The following HNF4G variants were observed in gnomAD, a reference collection of about 807,000 sequenced individuals.
HNF4G encodes hepatocyte nuclear factor 4 gamma.
Under a neutral mutation model 50.9 loss-of-function variants are expected in HNF4G, and 21 were observed. The ratio of observed to expected loss-of-function variants is 0.41; its 90% confidence interval spans 0.29 to 0.59. HNF4G has a LOEUF of 0.59. HNF4G is among the 20% of genes least tolerant of loss of function. HNF4G has a pLI of 0.26. For missense variants in HNF4G, 527 were observed against 559.4 expected (o/e 0.94, Z 0.58); for synonymous variants, 198 against 185.6 (o/e 1.07, Z -0.54).
Position 75,429,035 on chromosome 8 carries a change from T to G in HNF4G, c.-144+20873T>G, listed in dbSNP as rs564173706. 2.6e-5 allele frequency among the ~76,000 whole-genome samples: 4 copies of G among 152,268 alleles called. No homozygotes were observed. The South Asian group carries it at 8.3e-4, about 32-fold the overall frequency. ...GAAGAGTAGATTGATTTCAGAGAAA[T>G]TTTGAGGGCAAAATATAAGGGACTT... On this transcript the variant is annotated intron_variant, in intron 1 of 10. Coordinates refer to the HNF4G transcript ENST00000354370.
rs1192342305 is a variant in HNF4G, at chr8:75,565,399, G to A, written c.*1303G>A. The A allele has an allele frequency of 4.6e-5, 7 of 152,100 alleles. No homozygotes were observed. Among genetic ancestry groups the A allele is most frequent in the Admixed American group, 1.3e-4 (2 of 15,254 alleles). The allele number at this position is 152,100 out of a possible 1,614,324, so 9.4% of individuals were successfully genotyped here. Reference sequence around the variant, plus strand: ...CATTAGATAAAATAAAAGATTCACCGGATGGATTCTGATGAAAACGAAAAC... The same window carrying A: ...CATTAGATAAAATAAAAGATTCACCAGATGGATTCTGATGAAAACGAAAAC... On this transcript the variant is annotated 3_prime_UTR_variant, in exon 10 of 10. Coordinates refer to ENST00000396423, the MANE Select transcript of HNF4G (RefSeq NM_004133.5).
intron 5 of HNF4G, among the ~76,000 whole-genome samples, chr8:75,554,413 A>G (rs763850518): frequency 6.6e-6 from 1 of 152,216 alleles, no homozygotes; most frequent in Non-Finnish European, 1.5e-5. Context: ...TAATATTAAC[A>G]GTATAACATT....
chr8:75,442,023 A>C lies in HNF4G; in HGVS notation c.-144+33861A>C, dbSNP rs1398926366. 2.6e-5 allele frequency among the ~76,000 whole-genome samples: 4 copies of C among 152,232 alleles called. 1 individual carries two copies. The highest frequency in any genetic ancestry group is 2.0e-4 in the Admixed American group (3 of 15,274). The stretch of plus-strand genomic sequence containing the variant: ...TCCATTAACATAGATGAATCTTATA[A>C]ACACAATGTTCGGGAAAAAAATCAA... On this transcript the variant is annotated intron_variant, in intron 1 of 10. Coordinates refer to the HNF4G transcript ENST00000354370.
intron 2 of HNF4G, among the ~76,000 whole-genome samples, chr8:75,497,027 T>C (rs938778622): frequency 1.3e-5 from 2 of 151,908 alleles, no homozygotes; most frequent in Non-Finnish European, 2.9e-5. Flanking sequence ...AAAAACCTAG[T>C]TGAGTAGGGG....
chr8:75,539,474 T>C (rs189860473), upstream of HNF4G, among the ~76,000 whole-genome samples: 1 of 152,322 alleles, frequency 6.6e-6, no homozygotes, highest in East Asian at 1.9e-4. Context: ...GTAAAGTGTT[T>C]ATGTGAAATG....
At chr8:75,547,553 G>T in intron 2 of HNF4G, 34 bp from the exon 3 acceptor site, 5 of 1,394,358 alleles carry the variant, frequency 3.6e-6, no homozygotes, top group Non-Finnish European at 5.0e-6. Flanking sequence ...GTAAATTATA[G>T]TTTTCTGCAA....
intron 2 of HNF4G, among the ~76,000 whole-genome samples, chr8:75,508,511 T>TA (rs1230117369): frequency 6.6e-6 from 1 of 152,294 alleles, no homozygotes; most frequent in East Asian, 1.9e-4. Context: ...AAGAACTTTC[T>TA]AGGTTTAAAA....
intron 2 of HNF4G, among the ~76,000 whole-genome samples, chr8:75,500,001 C>G (rs1021302231): frequency 6.6e-6 from 1 of 151,972 alleles, no homozygotes; most frequent in South Asian, 2.1e-4. Context: ...ACTAAAAGCA[C>G]AAACTACAAA....
chr8:75,486,288 A>C (rs1042810425), intron 1 of HNF4G, among the ~76,000 whole-genome samples: 3 of 152,216 alleles, frequency 2.0e-5, no homozygotes, highest in African/African-American at 7.2e-5. Flanking sequence ...AGTTTTCTGC[A>C]TGTCTTAAAG....
intron 2 of HNF4G, among the ~76,000 whole-genome samples, chr8:75,527,306 T>G (rs995105139): frequency 6.6e-6 from 1 of 152,214 alleles, no homozygotes; most frequent in African/African-American, 2.4e-5. Context: ...GAGTTTAATG[T>G]TAATCAACAA....
At chr8:75,483,948 C>T (rs987172729) in intron 1 of HNF4G, among the ~76,000 whole-genome samples, 13 of 152,104 alleles carry the variant, frequency 8.5e-5, no homozygotes, top group African/African-American at 3.1e-4. Flanking sequence ...GACACTTTCA[C>T]ATAAAATACT....
intron 5 of HNF4G, among the ~76,000 whole-genome samples, chr8:75,553,516 AG>A: frequency 6.6e-6 from 1 of 152,216 alleles, no homozygotes; most frequent in African/African-American, 2.4e-5. Flanking sequence ...TGTGAGACAA[AG>A]TATTAGAAGA....
chr8:75,468,104 A>G (rs552122578), intron 1 of HNF4G, among the ~76,000 whole-genome samples: 1 of 152,348 alleles, frequency 6.6e-6, no homozygotes, highest in East Asian at 1.9e-4. Flanking sequence ...TGATAGTTAA[A>G]AAGAAAACCA....
intron 2 of HNF4G, among the ~76,000 whole-genome samples, chr8:75,521,112 T>C (rs561622306): frequency 2.0e-5 from 3 of 152,238 alleles, no homozygotes; most frequent in African/African-American, 7.2e-5. Flanking sequence ...TAATGGAAAA[T>C]AACAAAAGAA....
intron 9 of HNF4G, among the ~76,000 whole-genome samples, chr8:75,562,706 T>A (rs1020100203): frequency 3.3e-5 from 5 of 152,198 alleles, no homozygotes; most frequent in Admixed American, 3.3e-4. Context: ...AAAAATCACA[T>A]TGTTACTTTC....
intron 1 of HNF4G, among the ~76,000 whole-genome samples, chr8:75,458,369 C>CTTTTTTTT (rs61411885): frequency 2.6e-5 from 3 of 117,108 alleles, no homozygotes; most frequent in East Asian, 5.2e-4. Context: ...AATGGTCTAA[C>CTTTTTTTT]TTTTTTTTTT....
intron 3 of HNF4G, 67 bp downstream of exon 3, chr8:75,547,748 A>T: frequency 1.0e-6 from 1 of 954,930 alleles, no homozygotes; most frequent in South Asian, 1.3e-5. Flanking sequence ...ACACATTCTC[A>T]TTGATTAGTA....
chr8:75,531,306 G>T (rs910935039), intron 2 of HNF4G, among the ~76,000 whole-genome samples: 2 of 151,926 alleles, frequency 1.3e-5, no homozygotes, highest in African/African-American at 2.4e-5. Context: ...GAAGGATTAT[G>T]AAAAAATAAA....
At chr8:75,455,877 A>G (rs949330583) in intron 1 of HNF4G, among the ~76,000 whole-genome samples, 1 of 152,110 alleles carries the variant, frequency 6.6e-6, no homozygotes, top group African/African-American at 2.4e-5. Flanking sequence ...ATTTGATGTC[A>G]TCTCTGAATC....
Sources: gnomAD v4.1 joint callset for allele counts (sites outside exome capture counted in the v4.1 genomes callset) on GRCh38, gnomAD v4.1.1 for gene constraint, MANE v1.5 for transcripts, NCBI Gene and HGNC (gene_info 2026-07-23, HGNC 2026-07-21) for gene names.